PKHD1: variants seen among roughly 807,000 people sequenced by gnomAD.
PKHD1 encodes the protein fibrocystin.
Under a neutral mutation model 412.0 loss-of-function variants are expected in PKHD1, and 291 were observed. The ratio of observed to expected loss-of-function variants is 0.71; its 90% CI spans 0.64 to 0.78. The LOEUF (loss-of-function observed/expected upper bound fraction) is 0.78, where lower values mean the gene tolerates loss of function less well. PKHD1 is among the 30% of genes least tolerant of loss of function. PKHD1 has a pLI of 0.00. For synonymous variants in PKHD1, 1,777 were observed against 1,821.5 expected, an observed-to-expected ratio of 0.98 and a Z score of 0.62; for missense variants, 4,825 against 4,950.7, an observed-to-expected ratio of 0.97 and a Z score of 0.76.
intron 60 of PKHD1, among the ~76,000 whole-genome samples, chr6:51,734,091 A>G (rs1275408230): frequency 6.6e-6 from 1 of 152,240 alleles, no homozygotes; most frequent in South Asian, 2.1e-4. Flanking sequence ...CACTAGTTCC[A>G]AGGGACCCTA....
chr6:52,062,786 G>T lies in PKHD1; in HGVS notation c.977-126C>A, dbSNP rs962316031. 16 of 1,085,060 alleles carry T rather than the reference G, an allele frequency of 1.5e-5. No homozygotes were observed. In the East Asian group the frequency reaches 2.4e-4, roughly 16 times the overall value. The allele number at this position is 1,085,060 out of a possible 1,614,324, so 67.2% of individuals were successfully genotyped here. A position where few individuals can be genotyped will look rare whatever the true frequency, so the allele number is the denominator to read the frequency against. ...ACCTGTAAAGGTAAGTCAACCTAGA[G>T]CCAGATAGAGTAGTTATATGAAAGG... On this transcript the variant is annotated intron_variant, in intron 13 of 66. Transcript: ENST00000371117.
intron 51 of PKHD1, among the ~76,000 whole-genome samples, chr6:51,835,946 T>G (rs754294004): frequency 1.3e-5 from 2 of 152,208 alleles, no homozygotes; most frequent in African/African-American, 4.8e-5. Flanking sequence ...TAGGAGACAT[T>G]TAGTTTTTGA....
At chr6:51,703,097 A>AT (rs1347772727) in intron 60 of PKHD1, among the ~76,000 whole-genome samples, 1 of 151,974 alleles carries the variant, frequency 6.6e-6, no homozygotes, top group East Asian at 1.9e-4. Context: ...AGTGCTCCAT[A>AT]AACATTTATA....
At chr6:52,038,746 T>A (rs990453538) in intron 27 of PKHD1, among the ~76,000 whole-genome samples, 4 of 152,124 alleles carry the variant, frequency 2.6e-5, no homozygotes, top group Non-Finnish European at 5.9e-5. Context: ...TCAGAATGAA[T>A]CAGGTACCTA....
chr6:51,767,240 G>A (rs1476861462), intron 55 of PKHD1, among the ~76,000 whole-genome samples: 1 of 151,476 alleles, frequency 6.6e-6, no homozygotes, highest in Admixed American at 6.6e-5. Flanking sequence ...GCTAATGTTT[G>A]GCTATTTTCT....
intron 36 of PKHD1, among the ~76,000 whole-genome samples, chr6:51,947,929 C>G (rs767068017): frequency 2.0e-4 from 31 of 152,138 alleles, no homozygotes; most frequent in Middle Eastern, 3.2e-3. Context: ...CAGATCTTCC[C>G]TCAGTCCTTC....
intron 13 of PKHD1, 72 bp downstream of exon 13, chr6:52,064,883 T>C (rs1809278378): frequency 1.5e-6 from 1 of 678,870 alleles, no homozygotes; most frequent in Non-Finnish European, 2.5e-6. Context: ...CAAACACTTT[T>C]ATTTCTACTC....
In PKHD1 at chr6:52,024,570, T is replaced by C. The variant is rs1264894779; in HGVS notation, c.5236+4A>G. 9.3e-6 allele frequency: 15 copies of C among 1,613,594 alleles called. No individual in the cohort carries two copies. The South Asian group carries it at 1.5e-4, about 17-fold the overall frequency. On this transcript the variant is annotated splice_donor_region_variant and intron_variant, in intron 32 of 66. Coordinates refer to ENST00000371117, the MANE Select transcript of PKHD1 (RefSeq NM_138694.4). ...AAGTGTGCTGTCTTATTTGCTTGACTTACCGAAGTTCTCCGTCACTGCTGT... is the reference window on the plus strand; with the variant it reads ...AAGTGTGCTGTCTTATTTGCTTGACCTACCGAAGTTCTCCGTCACTGCTGT...
intron 53 of PKHD1, among the ~76,000 whole-genome samples, chr6:51,785,356 A>T (rs1433412767): frequency 6.6e-6 from 1 of 152,212 alleles, no homozygotes; most frequent in African/African-American, 2.4e-5. Context: ...TCAACCATGA[A>T]ATTCAATATG....
chr6:51,793,146 A>T (rs961064210), intron 52 of PKHD1, among the ~76,000 whole-genome samples: 1 of 152,138 alleles, frequency 6.6e-6, no homozygotes, highest in Non-Finnish European at 1.5e-5. Flanking sequence ...TACAAAATGA[A>T]TGATCAAGCT....
Position 52,069,480 on chromosome 6 carries a change from A to C in PKHD1, c.755T>G (p.Leu252Arg). The C allele has an allele frequency of 6.2e-7, 1 of 1,613,050 alleles. No homozygotes were observed. The highest frequency in any genetic ancestry group is 8.5e-7 in the Non-Finnish European group (1 of 1,179,058). Residue 252 changes from leucine to arginine, a missense_variant, in exon 11 of 67, where the codon CTT (leucine) becomes CGT (arginine). Coordinates refer to ENST00000371117, the MANE Select transcript of PKHD1 (RefSeq NM_138694.4). ...ACCTGAGTGTGTCTGGTATAGGAAA[A>C]GATCCTGTTTAGCACTGATCAGCCA... ...KAWLISAKQD[L>R]FLYQTHSEIL...
chr6:51,887,704 C>CCCTGAGA lies in PKHD1; in HGVS notation c.6997-466_6997-460dup, dbSNP rs746137018. ...TTGCCTTCTGCCGTGAGTAAAGGCT[C>CCCTGAGA]CCTGAGACCTGAGACCTCCCCAGAA... On this transcript the variant is annotated intron_variant, in intron 43 of 66. Coordinates refer to ENST00000371117, the MANE Select transcript of PKHD1 (RefSeq NM_138694.4). Among the ~76,000 whole-genome samples, 195 of 152,224 alleles carry CCCTGAGA rather than the reference C, an allele frequency of 1.3e-3. 1 individual carries two copies. Among genetic ancestry groups the CCCTGAGA allele is most frequent in the Non-Finnish European group, 1.9e-3 (131 of 68,014 alleles).
At chr6:51,870,710 C>T in intron 46 of PKHD1, 71 bp from the exon 47 acceptor site, 3 of 1,201,936 alleles carry the variant, frequency 2.5e-6, no homozygotes, top group Admixed American at 1.8e-5. Context: ...ATTCATAATG[C>T]ATGAATAAAA....
Position 51,627,091 on chromosome 6 carries a change from T to C in PKHD1, c.11691A>G (p.Glu3897=), listed in dbSNP as rs1767339238. 1 of 1,611,594 alleles carries C rather than the reference T, an allele frequency of 6.2e-7. No homozygotes were observed. The highest frequency in any genetic ancestry group is 8.5e-7 in the Non-Finnish European group (1 of 1,177,832). The change falls in exon 66 of 67, where the codon GAA becomes GAG. Residue 3897 remains glutamate (E), a synonymous_variant. Transcript: ENST00000371117. ...GAATATTTTGATTATTAGTCTGGGA[T>C]TCAGGAATCTCTTCAGGTTTTGTTT... ...SRKTKPEEIP[E]SQTNNQNIHI... is the part of the protein sequence containing the mutation.
rs560262729 is a variant in PKHD1 at position 51,692,244 on chromosome 6, G to T, written c.10157-32275C>A. ...TGCTTCTGGAAAGTTTAAGAATTCTGTAGAAAATCACATAATTCACACACA... is the reference window on the plus strand; with the variant it reads ...TGCTTCTGGAAAGTTTAAGAATTCTTTAGAAAATCACATAATTCACACACA... On this transcript the variant is annotated intron_variant, in intron 60 of 66. Transcript: ENST00000371117. Among the ~76,000 whole-genome samples the T allele has an allele frequency of 3.1e-4, 41 of 133,388 alleles. No individual in the cohort carries two copies. In the South Asian group the frequency reaches 8.1e-3, roughly 26 times the overall value. The allele number at this position is 133,388 out of a possible 152,430, so 87.5% of individuals were successfully genotyped here.
In PKHD1 at chr6:51,934,222, C is replaced by G; in HGVS notation, c.6009G>C (p.Lys2003Asn). 1 of 1,613,816 alleles carries G rather than the reference C, an allele frequency of 6.2e-7. No homozygotes were observed. The highest frequency in any genetic ancestry group is 8.5e-7 in the Non-Finnish European group (1 of 1,179,780). Residue 2003 changes from lysine to asparagine, a missense_variant, in exon 37 of 67, where the codon AAG becomes AAC. By Grantham distance (94) the Lys-to-Asn change is moderately conservative. Coordinates refer to ENST00000371117, the MANE Select transcript of PKHD1 (RefSeq NM_138694.4). ...GGELRIGSED[K>N]PFQGRAQITL... ...TGATCTGAGCTCTGCCTTGGAAGGGCTTGTCTTCGGATCCAATCCGGAGCT... is the reference window on the plus strand; with the variant it reads ...TGATCTGAGCTCTGCCTTGGAAGGGGTTGTCTTCGGATCCAATCCGGAGCT...
At chr6:51,856,550 A>G (rs1009801022) in intron 48 of PKHD1, among the ~76,000 whole-genome samples, 2 of 152,210 alleles carry the variant, frequency 1.3e-5, no homozygotes, top group African/African-American at 4.8e-5. Context: ...AAACATTATT[A>G]TTGGTAATTG....
At chr6:51,710,987 C>A (rs1489670513) in intron 60 of PKHD1, among the ~76,000 whole-genome samples, 5 of 152,162 alleles carry the variant, frequency 3.3e-5, no homozygotes, top group Non-Finnish European at 5.9e-5. Flanking sequence ...TTGGTCTCAT[C>A]TTTTACTTTA....
At chr6:51,870,800 T>C (rs1260097847) in intron 46 of PKHD1, among the ~76,000 whole-genome samples, 161 bp from the exon 47 acceptor site, 3 of 151,242 alleles carry the variant, frequency 2.0e-5, no homozygotes, top group African/African-American at 7.3e-5. Flanking sequence ...ATATCCAGAA[T>C]ATAGAAAGAA....
Sources: gnomAD v4.1 joint callset for allele counts (sites outside exome capture counted in the v4.1 genomes callset) on GRCh38, gnomAD v4.1.1 for gene constraint, MANE v1.5 for transcripts, NCBI Gene and HGNC (gene_info 2026-07-23, HGNC 2026-07-21) for gene names.